Variants in ZFTRAF1 observed in about 807,000 individuals in gnomAD.
The protein encoded by ZFTRAF1 is zinc finger TRAF-type-containing protein 1.
At chr8:144,452,510 C>G in the ZFTRAF1 span, 1 of 1,543,708 alleles carries the variant, frequency 6.5e-7, no homozygotes, top group Non-Finnish European at 8.7e-7. Flanking sequence ...CGTGCACCGT[C>G]AGCTCATGGA....
At chr8:144,450,191 C>CG in the ZFTRAF1 span, 52 of 573,924 alleles carry the variant, frequency 9.1e-5, no homozygotes, top group East Asian at 8.6e-4. Flanking sequence ...AGGCAGGGGT[C>CG]GGGGGGGTGA....
the ZFTRAF1 span, chr8:144,462,213 G>A: frequency 4.3e-6 from 2 of 464,666 alleles, no homozygotes; most frequent in South Asian, 2.7e-5. Context: ...AGGAGACGCG[G>A]ATCCTGGGGC....
the ZFTRAF1 span, chr8:144,455,166 T>C: frequency 6.6e-6 from 1 of 152,016 alleles, no homozygotes; most frequent in South Asian, 2.1e-4. Context: ...AATACAAAAA[T>C]TAGCCATGCA....
the ZFTRAF1 span, chr8:144,452,686 A>G: frequency 1.1e-6 from 1 of 951,270 alleles, no homozygotes; most frequent in East Asian, 2.6e-5. Flanking sequence ...GACACACGTA[A>G]CTGTGAGCCC....
At chr8:144,456,170 C>G in the ZFTRAF1 span, 1 of 152,736 alleles carries the variant, frequency 6.5e-6, no homozygotes, top group East Asian at 1.9e-4. Context: ...AGGGACACAG[C>G]CACACTCACC....
chr8:144,462,738 TGCC>T, the ZFTRAF1 span: 4 of 139,096 alleles, frequency 2.9e-5, no homozygotes, highest in Admixed American at 7.1e-5. Flanking sequence ...GCCGCTCTCC[TGCC>T]GCCGCCGCCG....
the ZFTRAF1 span, chr8:144,462,637 C>A: frequency 6.9e-6 from 1 of 145,388 alleles, no homozygotes; most frequent in South Asian, 1.8e-4. Context: ...CCCCGCCGGC[C>A]TCCTCGGCGC....
chr8:144,458,617 G>A, the ZFTRAF1 span, among the ~76,000 whole-genome samples: 1 of 152,264 alleles, frequency 6.6e-6, no homozygotes, highest in South Asian at 2.1e-4. Context: ...TGTTATCAAT[G>A]GACTGTCAAC....
the ZFTRAF1 span, chr8:144,462,367 GGCCGCCGCCGCC>G: frequency 2.3e-5 from 11 of 478,596 alleles, no homozygotes; most frequent in South Asian, 1.3e-4. Flanking sequence ...TCCCGCTGCC[GGCCGCCGCCGCC>G]GCCGCCGCCG....
chr8:144,453,186 C>G, the ZFTRAF1 span: 1 of 1,534,570 alleles, frequency 6.5e-7, no homozygotes, highest in Non-Finnish European at 8.8e-7. Context: ...AGTCCTGGGC[C>G]CCGCCTGTAA....
the ZFTRAF1 span, chr8:144,452,608 C>T: frequency 1.2e-5 from 18 of 1,515,934 alleles, no homozygotes; most frequent in African/African-American, 2.8e-5. Flanking sequence ...GACTGAGCCC[C>T]GAACAGGAGG....
At chr8:144,457,279 C>T in the ZFTRAF1 span, 4 of 152,088 alleles carry the variant, frequency 2.6e-5, no homozygotes, top group African/African-American at 9.7e-5. Context: ...GCTCAGACGC[C>T]AGCCCACAGA....
At chr8:144,450,307 G>A in the ZFTRAF1 span, 2 of 668,326 alleles carry the variant, frequency 3.0e-6, no homozygotes, top group Non-Finnish European at 5.5e-6. Flanking sequence ...TGAAGCAGCT[G>A]CCAGCCAGGT....
chr8:144,461,605 G>A, the ZFTRAF1 span, among the ~76,000 whole-genome samples: 2 of 152,190 alleles, frequency 1.3e-5, no homozygotes, highest in Non-Finnish European at 2.9e-5. Context: ...GCCTAGCGTG[G>A]GGCATGGCAA....
the ZFTRAF1 span, chr8:144,454,275 G>A: frequency 1.3e-5 from 2 of 152,310 alleles, no homozygotes; most frequent in Non-Finnish European, 2.9e-5. Context: ...GCCACTGAGA[G>A]ACACATGGCA....
At chr8:144,450,910 C>T in the ZFTRAF1 span, 1 of 596,624 alleles carries the variant, frequency 1.7e-6, no homozygotes, top group Non-Finnish European at 3.0e-6. Flanking sequence ...CTGCTTGTCA[C>T]AAGCAAGCCA....
the ZFTRAF1 span, among the ~76,000 whole-genome samples, chr8:144,460,539 C>G: frequency 6.6e-6 from 1 of 152,220 alleles, no homozygotes; most frequent in Admixed American, 6.5e-5. Flanking sequence ...CCTGTTCCCC[C>G]GTGGCCTCAC....
the ZFTRAF1 span, chr8:144,453,760 G>A: frequency 8.8e-6 from 3 of 342,754 alleles, no homozygotes; most frequent in Non-Finnish European, 1.7e-5. Context: ...GGGGCCGAGG[G>A]TCACGCTTTT....
chr8:144,457,688 A>G, the ZFTRAF1 span: 1 of 152,242 alleles, frequency 6.6e-6, no homozygotes, highest in Non-Finnish European at 1.5e-5. Context: ...GATGGGCGGA[A>G]CAGGCTCAAG....
Sources: allele counts gnomAD v4.1 joint callset (sites outside exome capture counted in the v4.1 genomes callset), GRCh38; gene constraint gnomAD v4.1.1; transcripts MANE v1.5; gene names NCBI Gene and HGNC (gene_info 2026-07-23, HGNC 2026-07-21).